ATP11C: variants seen among roughly 807,000 people sequenced by gnomAD.
The protein encoded by ATP11C is phospholipid-transporting ATPase IG.
A neutral mutation model predicts 97.4 loss-of-function variants in ATP11C; 36 were observed. That is an observed-to-expected ratio of 0.37 (90% CI 0.28 to 0.49). The LOEUF (loss-of-function observed/expected upper bound fraction) is 0.49. Ranked by LOEUF, ATP11C falls within the 20% of genes least tolerant of loss-of-function variation. ATP11C has a pLI of 0.98. For synonymous variants in ATP11C, 275 were observed against 290.9 expected (o/e 0.95, Z 0.56); for missense variants, 730 against 824.6 (o/e 0.89, Z 1.40).
chrX:139,887,823 T>C (rs1388887541), intron 1 of ATP11C, among the ~76,000 whole-genome samples: 2 of 108,512 alleles, frequency 1.8e-5, no homozygotes, highest in Non-Finnish European at 3.8e-5. Context: ...TACAAAAAAT[T>C]AGCTAGGCAT....
chrX:139,793,427 T>TA (rs1168554291), intron 12 of ATP11C, among the ~76,000 whole-genome samples: 2 of 108,969 alleles, frequency 1.8e-5, no homozygotes, highest in Non-Finnish European at 3.8e-5. Flanking sequence ...ATATAATTTC[T>TA]AAAAAAAGAA....
chrX:139,919,699 G>A (rs2085223739), intron 1 of ATP11C, among the ~76,000 whole-genome samples: 1 of 112,177 alleles, frequency 8.9e-6, no homozygotes, highest in African/African-American at 3.2e-5. Context: ...GTGGGCGGAT[G>A]ACCTAAGGCC....
At chrX:139,795,853 T>C (rs1006535070) in intron 12 of ATP11C, among the ~76,000 whole-genome samples, 6 of 111,771 alleles carry the variant, frequency 5.4e-5, no homozygotes, top group African/African-American at 1.9e-4. Flanking sequence ...TGATCAGAAA[T>C]GTACCAAGAA....
chrX:139,874,339 C>T (rs1032619255), intron 1 of ATP11C, among the ~76,000 whole-genome samples: 5 of 108,172 alleles, frequency 4.6e-5, no homozygotes, highest in South Asian at 4.1e-4. Context: ...GGATTACAGG[C>T]GTGAGCCACC....
chrX:139,756,543 T>G (rs116260490), intron 23 of ATP11C, among the ~76,000 whole-genome samples: 1,542 of 111,796 alleles, frequency 0.014, 29 homozygotes, highest in African/African-American at 0.048. Context: ...GCAGCATTCT[T>G]CATAATATCA....
chrX:139,871,516 C>CA (rs1456015582), intron 1 of ATP11C, among the ~76,000 whole-genome samples: 1 of 77,198 alleles, frequency 1.3e-5, no homozygotes, highest in Non-Finnish European at 2.5e-5. Flanking sequence ...GCCACCCCCG[C>CA]TTTTTTTTTT....
At chrX:139,802,163 T>C in intron 7 of ATP11C, 73 bp downstream of exon 7, 1 of 771,580 alleles carries the variant, frequency 1.3e-6, no homozygotes, top group Non-Finnish European at 2.0e-6. Context: ...GGTGGGTGTT[T>C]CTTTTGCAAT....
intron 12 of ATP11C, among the ~76,000 whole-genome samples, chrX:139,792,097 C>T (rs1360843048): frequency 9.1e-6 from 1 of 110,247 alleles, no homozygotes; most frequent in Non-Finnish European, 1.9e-5. Context: ...CAGCCCCACA[C>T]CTGACCTGGG....
At position 139,830,954 on chromosome X, in the gene ATP11C, A is replaced by G. The variant is rs765929060; in HGVS notation, c.28-4131T>C. Among the ~76,000 whole-genome samples the G allele has an allele frequency of 1.4e-3, 160 of 111,290 alleles. 1 individual carries two copies. The highest frequency in any genetic ancestry group is 5.0e-3 in the African/African-American group (153 of 30,617). Reference sequence around the variant, plus strand: ...GGAGATCACTACAGTGCCAGGAAACATTTCCAGTGTATTAAGCTTCTTGGT... The same window carrying G: ...GGAGATCACTACAGTGCCAGGAAACGTTTCCAGTGTATTAAGCTTCTTGGT... On this transcript the variant is annotated intron_variant, in intron 1 of 29. Transcript: ENST00000682941.
At chrX:139,774,990 C>T (rs764334201) in intron 18 of ATP11C, 37 bp from the exon 19 acceptor site, 3 of 1,159,321 alleles carry the variant, frequency 2.6e-6, no homozygotes, top group Non-Finnish European at 2.3e-6. Context: ...TCTTCTAAAA[C>T]TCCTGACAAA....
rs1238545584 is a variant in ATP11C, at chrX:139,932,416, A to AGGG, written c.-377_-375dup. ...GGAGCGCGAGGCTCCTCCTGTGGGG[A>AGGG]GGGGGCGCCCCCGTCTCTCCGCCAG... On this transcript the variant is annotated 5_prime_UTR_variant, in exon 1 of 30. Coordinates refer to ENST00000682941, the MANE Select transcript of ATP11C (RefSeq NM_001353812.2). 9.2e-6 allele frequency: 1 copy of AGGG among 108,694 alleles called. No individual in the cohort carries two copies. The highest frequency in any genetic ancestry group is 1.9e-5 in the Non-Finnish European group (1 of 51,794). The allele number at this position is 108,694 out of a possible 1,213,427, so 9.0% of individuals were successfully genotyped here. A position where few individuals can be genotyped will look rare whatever the true frequency, so the allele number is the denominator to read the frequency against.
At position 139,757,864 on chromosome X, in the gene ATP11C, G is replaced by C. The variant is rs1478698969; in HGVS notation, c.2644C>G (p.Leu882Val). Residue 882 changes from leucine to valine, a missense_variant, in exon 23 of 30, where the codon CTT becomes GTT. Transcript: ENST00000682941. Reference protein sequence around the residue: ...HLVQYFFYKNLCFILPQFLYQ... With the variant: ...HLVQYFFYKNVCFILPQFLYQ... Reference sequence around the variant, plus strand: ...AAAAACTGTGGCAAAATGAAACAAAGGTTCTGAAAAAAAAAAATTAAGACA... The same window carrying C: ...AAAAACTGTGGCAAAATGAAACAAACGTTCTGAAAAAAAAAAATTAAGACA... 2.6e-6 allele frequency: 3 copies of C among 1,165,076 alleles called. No individual in the cohort carries two copies. The highest frequency in any genetic ancestry group is 3.0e-5 in the East Asian group (1 of 33,207).
chrX:139,813,960 T>C (rs1344365514), intron 5 of ATP11C, among the ~76,000 whole-genome samples: 1 of 111,196 alleles, frequency 9.0e-6, no homozygotes, highest in Non-Finnish European at 1.9e-5. Context: ...TGTGCCAAAA[T>C]AGGTTCACTG....
At chrX:139,799,623 T>C (rs919461673) in intron 8 of ATP11C, among the ~76,000 whole-genome samples, 2 of 107,519 alleles carry the variant, frequency 1.9e-5, no homozygotes, top group Admixed American at 2.0e-4. Context: ...CAAGGTTAGT[T>C]GCTTATTCAC....
chrX:139,874,913 C>G (rs1478475113), intron 1 of ATP11C, among the ~76,000 whole-genome samples: 1 of 111,503 alleles, frequency 9.0e-6, no homozygotes, highest in East Asian at 2.8e-4. Flanking sequence ...ATCTTGACAT[C>G]AATTTCCAAG....
chrX:139,821,085 G>GT (rs2083400022), intron 2 of ATP11C, among the ~76,000 whole-genome samples: 1 of 111,395 alleles, frequency 9.0e-6, no homozygotes, highest in African/African-American at 3.3e-5. Context: ...TAACCTTTCA[G>GT]TTTAAAAAGG....
intron 1 of ATP11C, among the ~76,000 whole-genome samples, chrX:139,883,860 A>G (rs1394259688): frequency 8.9e-6 from 1 of 111,915 alleles, no homozygotes; most frequent in Non-Finnish European, 1.9e-5. Flanking sequence ...AATATGAGAA[A>G]CATAACTTAC....
rs182506856 is a variant in ATP11C, at chrX:139,792,068, A to G, written c.1207-2580T>C. Reference sequence around the variant, plus strand: ...AGGTCACTGGAAAGACCAAGGCATGATTACAGGGTTGGGATTTTCAGCCCC... The same window carrying G: ...AGGTCACTGGAAAGACCAAGGCATGGTTACAGGGTTGGGATTTTCAGCCCC... On this transcript the variant is annotated intron_variant, in intron 12 of 29. Coordinates refer to ENST00000682941, the MANE Select transcript of ATP11C (RefSeq NM_001353812.2). Among the ~76,000 whole-genome samples, 720 of 110,271 alleles carry G rather than the reference A, an allele frequency of 6.5e-3. 3 individuals are homozygous for G. Among genetic ancestry groups the G allele is most frequent in the Non-Finnish European group, 0.01 (555 of 52,865 alleles).
At chrX:139,730,912 C>T (rs1447561521) in intron 29 of ATP11C, among the ~76,000 whole-genome samples, 3 of 111,322 alleles carry the variant, frequency 2.7e-5, no homozygotes, top group Non-Finnish European at 5.7e-5. Flanking sequence ...GTATCAATTC[C>T]TCCCAAATAT....
Sources: allele counts gnomAD v4.1 joint callset (sites outside exome capture counted in the v4.1 genomes callset), GRCh38; gene constraint gnomAD v4.1.1; transcripts MANE v1.5; gene names NCBI Gene and HGNC (gene_info 2026-07-23, HGNC 2026-07-21).